The following CUBN variants were observed in gnomAD, a reference collection of about 807,000 sequenced individuals.
The protein encoded by CUBN is 460 kDa receptor.
A neutral mutation model predicts 405.3 loss-of-function variants in CUBN; 282 were observed. The ratio of observed to expected loss-of-function variants is 0.70; its 90% CI spans 0.63 to 0.77. The LOEUF is 0.77. Among genes scored for constraint, CUBN ranks in the 30% least tolerant of loss-of-function variants. The pLI is 0.00. For missense variants in CUBN, 4,514 were observed against 4,475.2 expected, an observed-to-expected ratio of 1.01 and a Z score of -0.25; for synonymous variants, 1,684 against 1,617.0, an observed-to-expected ratio of 1.04 and a Z score of -0.99.
At chr10:16,886,215 G>A (rs150320336) in intron 56 of CUBN, among the ~76,000 whole-genome samples, 107 of 152,306 alleles carry the variant, frequency 7.0e-4, no homozygotes, top group African/African-American at 2.4e-3. Context: ...TACAACTGCA[G>A]AGATGTATGA....
At chr10:16,898,311 T>C (rs751245440) in intron 54 of CUBN, among the ~76,000 whole-genome samples, 5 of 152,128 alleles carry the variant, frequency 3.3e-5, no homozygotes, top group African/African-American at 4.8e-5. Context: ...CTCTTCATTC[T>C]ACAGTTGAAT....
At chr10:16,988,359 G>A (rs1833488588) in intron 29 of CUBN, among the ~76,000 whole-genome samples, 1 of 152,170 alleles carries the variant, frequency 6.6e-6, no homozygotes, top group African/African-American at 2.4e-5. Flanking sequence ...GTCCTACTTT[G>A]TGCTGTGAGT....
Position 16,918,750 on chromosome 10 carries a change from G to C in CUBN, c.6872C>G (p.Pro2291Arg), listed in dbSNP as rs1161459038. 12 of 1,613,764 alleles carry C rather than the reference G, an allele frequency of 7.4e-6. No individual in the cohort carries two copies. Among genetic ancestry groups the C allele is most frequent in the Admixed American group, 1.7e-5 (1 of 59,978 alleles). ...ELRDGVDSDA[P>R]ILSKFCGTSL... Reference sequence around the variant, plus strand: ...TGTCCCACAAAATTTGGAAAGTATTGGTGCATCCGAATCCACTCCATCCCG... The same window carrying C: ...TGTCCCACAAAATTTGGAAAGTATTCGTGCATCCGAATCCACTCCATCCCG... Residue 2291 changes from proline (P) to arginine (R), a missense_variant, in exon 45 of 67, where the codon CCA becomes CGA. Physicochemically the swap from Pro to Arg is moderately radical, Grantham distance 103. This residue lies in a region of CUBN where 1,613 missense variants were observed against 1,542.8 expected (regional missense o/e 1.05). Transcript: ENST00000377833.
At position 16,824,144 on chromosome 10, in the gene CUBN, C is replaced by T. The variant is rs1838704201; in HGVS notation, c.*831G>A. 1 of 152,096 alleles carries T rather than the reference C, an allele frequency of 6.6e-6. No individual in the cohort carries two copies. The highest frequency in any genetic ancestry group is 1.5e-5 in the Non-Finnish European group (1 of 68,026). The allele number at this position is 152,096 out of a possible 1,614,324, so 9.4% of individuals were successfully genotyped here. A position where few individuals can be genotyped will look rare whatever the true frequency, so the allele number is the denominator to read the frequency against. On this transcript the variant is annotated 3_prime_UTR_variant, in exon 67 of 67. Coordinates refer to ENST00000377833, the MANE Select transcript of CUBN (RefSeq NM_001081.4). Reference sequence around the variant, plus strand: ...AGGGTTTCACTGCAGCCTTAACCTACTGGGCTCAAGTGATCCTCCTGCTTC... The same window carrying T: ...AGGGTTTCACTGCAGCCTTAACCTATTGGGCTCAAGTGATCCTCCTGCTTC...
chr10:17,031,987 A>G (rs1834798527), intron 27 of CUBN, among the ~76,000 whole-genome samples: 1 of 152,188 alleles, frequency 6.6e-6, no homozygotes, highest in South Asian at 2.1e-4. Flanking sequence ...CAAAGCCCTT[A>G]TGGAGAAGTC....
intron 31 of CUBN, among the ~76,000 whole-genome samples, chr10:16,981,517 C>T (rs993612196): frequency 2.0e-5 from 3 of 152,130 alleles, no homozygotes; most frequent in Admixed American, 6.5e-5. Context: ...TGTCCATGGA[C>T]GGCAAATGCT....
intron 27 of CUBN, among the ~76,000 whole-genome samples, chr10:17,027,186 A>G (rs1217715794): frequency 5.9e-5 from 9 of 152,206 alleles, no homozygotes; most frequent in Admixed American, 5.9e-4. Flanking sequence ...TCATTGTCCA[A>G]TCATGGGTGT....
chr10:17,110,279 C>T (rs1219159055), intron 9 of CUBN, among the ~76,000 whole-genome samples: 2 of 152,186 alleles, frequency 1.3e-5, no homozygotes, highest in African/African-American at 2.4e-5. Context: ...TGCAAAACAA[C>T]TCAGGAGTGC....
chr10:17,062,048 T>C (rs1304821164), intron 22 of CUBN, among the ~76,000 whole-genome samples: 1 of 152,154 alleles, frequency 6.6e-6, no homozygotes, highest in Non-Finnish European at 1.5e-5. Flanking sequence ...CCCTAAAAAA[T>C]ACATTTACGT....
chr10:17,086,919 T>G (rs1445474742), intron 15 of CUBN, among the ~76,000 whole-genome samples: 2 of 152,212 alleles, frequency 1.3e-5, no homozygotes, highest in Non-Finnish European at 2.9e-5. Flanking sequence ...AGCCTCTAAT[T>G]TTAACTTGAT....
At chr10:17,004,885 C>T (rs1321253616) in intron 28 of CUBN, among the ~76,000 whole-genome samples, 2 of 152,088 alleles carry the variant, frequency 1.3e-5, no homozygotes, top group Admixed American at 1.3e-4. Flanking sequence ...GTCTCAAACT[C>T]CTGACCTCAT....
At chr10:17,049,485 C>T (rs1047332730) in intron 22 of CUBN, among the ~76,000 whole-genome samples, 2 of 152,098 alleles carry the variant, frequency 1.3e-5, no homozygotes, top group Admixed American at 6.5e-5. Flanking sequence ...GGTGGAGGAA[C>T]CTGAATTAAT....
chr10:16,923,889 TG>T (rs1428024275), intron 43 of CUBN, among the ~76,000 whole-genome samples: 1 of 152,102 alleles, frequency 6.6e-6, no homozygotes, highest in Non-Finnish European at 1.5e-5. Flanking sequence ...CTGGGCAACA[TG>T]GTGAAATCCC....
intron 25 of CUBN, 91 bp from the exon 26 acceptor site, chr10:17,044,074 T>A: frequency 1.6e-6 from 1 of 629,854 alleles, no homozygotes; most frequent in African/African-American, 1.9e-5. Context: ...AGAAAAAATA[T>A]ATATATTTAT....
Position 16,913,966 on chromosome 10 carries a change from T to C in CUBN, c.7378A>G (p.Ile2460Val), listed in dbSNP as rs565917798. 5.0e-6 allele frequency: 8 copies of C among 1,614,024 alleles called. No homozygotes were observed. The highest frequency in any genetic ancestry group is 1.6e-4 in the Middle Eastern group (1 of 6,062). The change falls in exon 48 of 67, where the codon ATT becomes GTT. Residue 2460 changes from isoleucine (I) to valine (V), a missense_variant. Coordinates refer to ENST00000377833, the MANE Select transcript of CUBN (RefSeq NM_001081.4). ...EECGGDLQGS[I>V]GTFTSPNYPN... ...TAGTTGGGAGAAGTAAATGTTCCAA[T>C]AGAGCCCTGAAGATCCCCACCACAC...
chr10:17,115,051 C>A (rs1429670873), intron 7 of CUBN, among the ~76,000 whole-genome samples: 1 of 152,016 alleles, frequency 6.6e-6, no homozygotes, highest in Non-Finnish European at 1.5e-5. Context: ...CGAGATCATC[C>A]TGGCCAACAT....
At chr10:16,978,923 G>A (rs181408874) in intron 31 of CUBN, among the ~76,000 whole-genome samples, 6 of 152,260 alleles carry the variant, frequency 3.9e-5, no homozygotes, top group African/African-American at 1.4e-4. Flanking sequence ...TGACATGATT[G>A]TATATTTAGA....
intron 40 of CUBN, among the ~76,000 whole-genome samples, chr10:16,930,800 A>G (rs1842341082): frequency 6.6e-6 from 1 of 152,222 alleles, no homozygotes; most frequent in East Asian, 1.9e-4. Context: ...ATACGGCCAA[A>G]GGCCTGTGAT....
intron 13 of CUBN, among the ~76,000 whole-genome samples, chr10:17,102,252 C>CTTATTTATTTATTTAT (rs201370313): frequency 6.9e-6 from 1 of 145,016 alleles, no homozygotes. Flanking sequence ...GGAGGATCCT[C>CTTATTTATTTATTTAT]CTATTTATTT....
Sources: gnomAD v4.1 joint callset for allele counts (sites outside exome capture counted in the v4.1 genomes callset) on GRCh38, gnomAD v4.1.1 for gene constraint, gnomAD v4.1.1 regional missense constraint, MANE v1.5 for transcripts, NCBI Gene and HGNC (gene_info 2026-07-23, HGNC 2026-07-21) for gene names.